Variants in DAB2IP observed in about 807,000 individuals in gnomAD.
The protein encoded by DAB2IP is DAB2 interacting protein, also known as disabled homolog 2-interacting protein.
DAB2IP carries 28 observed loss-of-function variants against 107.2 expected under a neutral mutation model. The observed-to-expected ratio is 0.26, with a 90% CI of 0.19 to 0.36. DAB2IP has a LOEUF of 0.36. Ranked by LOEUF, DAB2IP falls within the 10% of genes least tolerant of loss-of-function variation. The probability of loss-of-function intolerance (pLI) is 1.00; values close to 1 mark genes in which losing one functional copy is unlikely to be tolerated. For missense variants in DAB2IP, 1,400 were observed against 1,644.7 expected, an observed-to-expected ratio of 0.85 and a Z score of 2.57; for synonymous variants, 755 against 706.4, an observed-to-expected ratio of 1.07 and a Z score of -1.09.
At chr9:121,774,299 G>C (rs1184953371) in exon 13 of DAB2IP, 3 of 1,613,512 alleles carry the variant, frequency 1.9e-6, no homozygotes, top group Non-Finnish European at 2.5e-6. Flanking sequence ...GGACCGCACA[G>C]CCGCTTGGCT....
At chr9:121,595,318 C>T (rs76022009) in intron 1 of DAB2IP, among the ~76,000 whole-genome samples, 3,512 of 152,028 alleles carry the variant, frequency 0.023, 105 homozygotes, top group African/African-American at 0.063. Flanking sequence ...CAAGCATGAG[C>T]ATGGTGGCTT....
At chr9:121,641,756 C>T (rs564510227) in intron 1 of DAB2IP, among the ~76,000 whole-genome samples, 3 of 148,910 alleles carry the variant, frequency 2.0e-5, no homozygotes, top group South Asian at 2.3e-4. Flanking sequence ...TGTTCCTGGT[C>T]CCACAGCCAG....
intron 1 of DAB2IP, among the ~76,000 whole-genome samples, chr9:121,636,083 T>G (rs957276645): frequency 6.6e-5 from 10 of 152,164 alleles, no homozygotes; most frequent in African/African-American, 2.2e-4. Flanking sequence ...TTTTGTATTT[T>G]TTTTTAGTAG....
intron 1 of DAB2IP, among the ~76,000 whole-genome samples, chr9:121,656,399 G>A (rs1832974204): frequency 6.6e-6 from 1 of 152,136 alleles, no homozygotes; most frequent in South Asian, 2.1e-4. Flanking sequence ...GCCCTGAGGT[G>A]GGGGGGTTTT....
intron 8 of DAB2IP, among the ~76,000 whole-genome samples, chr9:121,765,101 A>G (rs938298531): frequency 2.6e-5 from 4 of 152,174 alleles, no homozygotes; most frequent in African/African-American, 9.6e-5. Context: ...ATGGGCCACA[A>G]ATGTGCAGCT....
At chr9:121,674,459 G>T (rs781077290) in intron 1 of DAB2IP, among the ~76,000 whole-genome samples, 1 of 152,154 alleles carries the variant, frequency 6.6e-6, no homozygotes, top group Non-Finnish European at 1.5e-5. Flanking sequence ...TCAGGGAGGA[G>T]AGCCAGCCGC....
At chr9:121,775,055 C>A (rs1366382176) in intron 13 of DAB2IP, among the ~76,000 whole-genome samples, 2 of 152,232 alleles carry the variant, frequency 1.3e-5, no homozygotes, top group African/African-American at 4.8e-5. Flanking sequence ...TCTGCTGGGG[C>A]AAGGGGATGC....
intron 3 of DAB2IP, among the ~76,000 whole-genome samples, chr9:121,733,843 G>A (rs1831696046): frequency 6.6e-6 from 1 of 152,220 alleles, no homozygotes; most frequent in Non-Finnish European, 1.5e-5. Flanking sequence ...GCACTGGGAA[G>A]AGTAAAAAAG....
chr9:121,641,079 G>C (rs1260590660), intron 1 of DAB2IP, among the ~76,000 whole-genome samples: 1 of 141,746 alleles, frequency 7.1e-6, no homozygotes, highest in Non-Finnish European at 1.6e-5. Context: ...TGACTCCTTG[G>C]CTATGGGGGA....
rs146191504 is a variant in DAB2IP at position 121,757,655 on chromosome 9, G to A, written c.516+489G>A. 2.9e-3 allele frequency among the ~76,000 whole-genome samples: 448 copies of A among 152,170 alleles called. 4 individuals are homozygous for A. Among genetic ancestry groups the A allele is most frequent in the Admixed American group, 9.0e-3 (138 of 15,310 alleles). On this transcript the variant is annotated intron_variant, in intron 4 of 15. Coordinates refer to ENST00000408936, the Ensembl canonical transcript of DAB2IP. ...CCAGTGACCCACCTGGGGATGACCT[G>A]TCCAGTCCCTCATAGGAAATGGGGG...
intron 1 of DAB2IP, among the ~76,000 whole-genome samples, chr9:121,577,182 C>T (rs1267629280): frequency 6.6e-6 from 1 of 152,228 alleles, no homozygotes; most frequent in Non-Finnish European, 1.5e-5. Flanking sequence ...GGACAAGGAG[C>T]CCTGCCCCTT....
At chr9:121,753,720 G>A (rs1301771271) in intron 3 of DAB2IP, among the ~76,000 whole-genome samples, 2 of 152,196 alleles carry the variant, frequency 1.3e-5, no homozygotes, top group African/African-American at 2.4e-5. Context: ...GACCAGCTGG[G>A]CGCTCACCTT....
chr9:121,682,875 G>T (rs1004705884), intron 2 of DAB2IP, among the ~76,000 whole-genome samples: 5 of 152,028 alleles, frequency 3.3e-5, no homozygotes, highest in Non-Finnish European at 7.4e-5. Context: ...GGAGAGTTGG[G>T]GGGTAGGGGA....
intron 1 of DAB2IP, among the ~76,000 whole-genome samples, chr9:121,571,827 A>G (rs975869078): frequency 6.6e-6 from 1 of 152,086 alleles, no homozygotes; most frequent in African/African-American, 2.4e-5. Flanking sequence ...GCTCAGACAC[A>G]GCTGCAGCGA....
intron 1 of DAB2IP, among the ~76,000 whole-genome samples, chr9:121,628,265 C>G (rs771166253): frequency 1.1e-4 from 17 of 152,182 alleles, no homozygotes; most frequent in Admixed American, 2.0e-4. Context: ...TCCTAGCCCC[C>G]CTTAGTCATC....
At chr9:121,583,458 G>C (rs949554671) in intron 1 of DAB2IP, among the ~76,000 whole-genome samples, 1 of 152,176 alleles carries the variant, frequency 6.6e-6, no homozygotes, top group Non-Finnish European at 1.5e-5. Flanking sequence ...TAGGGGAGGA[G>C]CCGGCTCTTC....
In DAB2IP at chr9:121,760,428, G is replaced by A. The variant is rs1309272285; in HGVS notation, c.1159G>A (p.Gly387Ser). The A allele has an allele frequency of 1.2e-6, 2 of 1,600,358 alleles. No individual in the cohort carries two copies. Among genetic ancestry groups the A allele is most frequent in the African/African-American group, 1.3e-5 (1 of 74,790 alleles). Residue 387 changes from glycine (G) to serine (S), a missense_variant, in exon 6 of 16, where the codon GGC (glycine) becomes AGC (serine). By Grantham distance (56) the Gly-to-Ser change is moderately conservative. This residue lies in a region of DAB2IP where 517 missense variants were observed against 748.6 expected (regional missense o/e 0.69). Transcript: ENST00000408936. The surrounding 1 kb of genome is among the most constrained non-coding windows in gnomAD (Gnocchi z 5.9). ...CCTGGTGCACATCCTGCAGAGCACG[G>A]GCAAGGTGAAGGTGCGTGCAGGCCC...
chr9:121,570,871 G>A (rs2777298), intron 1 of DAB2IP, among the ~76,000 whole-genome samples: 46,572 of 151,778 alleles, frequency 0.31, 7,913 homozygotes, highest in African/African-American at 0.41. Context: ...GGCTGCTCTC[G>A]GGGTTTCCTC....
chr9:121,747,395 T>TGC, intron 3 of DAB2IP, among the ~76,000 whole-genome samples: 1 of 149,812 alleles, frequency 6.7e-6, no homozygotes, highest in African/African-American at 2.5e-5. Flanking sequence ...TCGCCCAGGC[T>TGC]GGAGTGCAGT....
Sources: allele counts gnomAD v4.1 joint callset (sites outside exome capture counted in the v4.1 genomes callset), GRCh38; gene constraint gnomAD v4.1.1; regional missense constraint gnomAD v4.1.1; non-coding constraint Gnocchi (gnomAD v3.1); transcripts MANE v1.5; gene names NCBI Gene and HGNC (gene_info 2026-07-23, HGNC 2026-07-21).